Variants in IRF2BPL observed in about 807,000 individuals in gnomAD.
IRF2BPL encodes probable E3 ubiquitin-protein ligase IRF2BPL.
In IRF2BPL, 13 loss-of-function variants were observed where a neutral mutation model predicts 51.2. That is an observed-to-expected ratio of 0.25 (90% CI 0.17 to 0.40). IRF2BPL has a LOEUF of 0.40. IRF2BPL is among the 10% of genes least tolerant of loss of function. IRF2BPL has a pLI of 1.00. For synonymous variants in IRF2BPL, 768 were observed against 509.2 expected (o/e 1.51, Z -6.84); for missense variants, 1,210 against 1,111.8 (o/e 1.09, Z -1.26).
At position 77,025,240 on chromosome 14, in the gene IRF2BPL, G is replaced by T; in HGVS notation, c.*162C>A. 2.2e-6 allele frequency: 1 copy of T among 464,600 alleles called. No individual in the cohort carries two copies. Among genetic ancestry groups the T allele is most frequent in the Non-Finnish European group, 3.8e-6 (1 of 264,510 alleles). The allele number at this position is 464,600 out of a possible 1,614,324, so 28.8% of individuals were successfully genotyped here. A position where few individuals can be genotyped will look rare whatever the true frequency, so the allele number is the denominator to read the frequency against. ...GTTTCAAAATATAGAAACATACGAC[G>T]AAAATAATGTCTATACATAAGACTA... On this transcript the variant is annotated 3_prime_UTR_variant, in exon 1 of 1. Coordinates refer to ENST00000238647, the MANE Select transcript of IRF2BPL (RefSeq NM_024496.4).
In IRF2BPL at chr14:77,028,625, C is replaced by T. The variant is rs1448008756; in HGVS notation, c.-833G>A. ...CTTCCCGCTCGTGCTCACGCTCGCC[C>T]GGAATGTGGGGTTGTGATTGTTACT... is the stretch of plus-strand genomic sequence containing the variant. On this transcript the variant is annotated 5_prime_UTR_variant, in exon 1 of 1. Transcript: ENST00000238647. The T allele has an allele frequency of 2.6e-6, 1 of 387,160 alleles. No individual in the cohort carries two copies. The highest frequency in any genetic ancestry group is 3.7e-5 in the East Asian group (1 of 27,238). 24.0% of individuals were successfully genotyped at this position (387,160 alleles called of 1,614,324 possible).
In IRF2BPL at chr14:77,028,426, C is replaced by G. The variant is rs1040966370; in HGVS notation, c.-634G>C. 1.1e-5 allele frequency: 3 copies of G among 274,238 alleles called. No individual in the cohort carries two copies. Among genetic ancestry groups the G allele is most frequent in the Non-Finnish European group, 2.1e-5 (3 of 142,822 alleles). The allele number at this position is 274,238 out of a possible 1,614,324, so 17.0% of individuals were successfully genotyped here. ...TGCTGGCGGCGACTGGGTTTGCACCCCGGAGGGAGCCGCCGCGGCCACTGC... is the reference window on the plus strand; with the variant it reads ...TGCTGGCGGCGACTGGGTTTGCACCGCGGAGGGAGCCGCCGCGGCCACTGC... On this transcript the variant is annotated 5_prime_UTR_variant, in exon 1 of 1. Transcript: ENST00000238647.
rs1442825566 is a variant in IRF2BPL at position 77,025,942 on chromosome 14, G to A, written c.1851C>T (p.Pro617=). The change falls in exon 1 of 1, where the codon CCC becomes CCT. Residue 617 remains proline (P), a synonymous_variant. Transcript: ENST00000238647. The part of the protein sequence containing the change: ...SNRTTPPESA[P]QNGPSPMAAL... ...CGGCCATAGGGGACGGACCGTTCTG[G>A]GGGGCTGACTCAGGTGGGGTGGTCC... is the stretch of plus-strand genomic sequence containing the variant. 6.2e-7 allele frequency: 1 copy of A among 1,608,428 alleles called. No individual in the cohort carries two copies. The highest frequency in any genetic ancestry group is 8.5e-7 in the Non-Finnish European group (1 of 1,178,040).
At position 77,027,933 on chromosome 14, in the gene IRF2BPL, T is replaced by A; in HGVS notation, c.-141A>T. 1 of 1,079,610 alleles carries A rather than the reference T, an allele frequency of 9.3e-7. No homozygotes were observed. Among genetic ancestry groups the A allele is most frequent in the Non-Finnish European group, 1.2e-6 (1 of 802,840 alleles). 66.9% of individuals were successfully genotyped at this position (1,079,610 alleles called of 1,614,324 possible). A position where few individuals can be genotyped will look rare whatever the true frequency, so the allele number is the denominator to read the frequency against. ...GGCGAGAAAGTTCTGCCCCAGGGGCTGGAGGGAACGCGAGTCTCCACCGCC... is the reference window on the plus strand; with the variant it reads ...GGCGAGAAAGTTCTGCCCCAGGGGCAGGAGGGAACGCGAGTCTCCACCGCC... On this transcript the variant is annotated 5_prime_UTR_variant, in exon 1 of 1. Transcript: ENST00000238647.
chr14:77,026,782 G>T lies in IRF2BPL; in HGVS notation c.1011C>A (p.Ser337Arg). ...AGGKRPGSVSSTDQERELKEK... is the reference protein window; with the variant it reads ...AGGKRPGSVSRTDQERELKEK... Reference sequence around the variant, plus strand: ...CCTTCAACTCGCGCTCCTGGTCTGTGCTCGACACCGAGCCGGGCCTCTTAC... The same window carrying T: ...CCTTCAACTCGCGCTCCTGGTCTGTTCTCGACACCGAGCCGGGCCTCTTAC... Residue 337 changes from serine (S) to arginine (R), a missense_variant, in exon 1 of 1, where the codon AGC (serine) becomes AGA (arginine). Transcript: ENST00000238647. The T allele has an allele frequency of 6.2e-7, 1 of 1,612,636 alleles. No individual in the cohort carries two copies. The highest frequency in any genetic ancestry group is 8.5e-7 in the Non-Finnish European group (1 of 1,179,820).
Position 77,026,650 on chromosome 14 carries a change from C to G in IRF2BPL, c.1143G>C (p.Thr381=), listed in dbSNP as rs756373135. ...CCTCGTAGGGCGTGCAGCCTGCCAG[C>G]GTGAGCAGCGTGTCGCGGACCATCT... The part of the protein sequence containing the change: ...KPKMVRDTLL[T]LAGCTPYEVR... The change falls in exon 1 of 1, where the codon ACG becomes ACC. Residue 381 remains threonine (T), a synonymous_variant. Transcript: ENST00000238647. 1.9e-5 allele frequency: 30 copies of G among 1,613,626 alleles called. No individual in the cohort carries two copies. Among genetic ancestry groups the G allele is most frequent in the Middle Eastern group, 3.3e-4 (2 of 6,062 alleles).
Position 77,027,829 on chromosome 14 carries a change from C to A in IRF2BPL, c.-37G>T, listed in dbSNP as rs1035301158. The A allele has an allele frequency of 6.8e-7, 1 of 1,471,596 alleles. No homozygotes were observed. The allele number at this position is 1,471,596 out of a possible 1,614,324, so 91.2% of individuals were successfully genotyped here. A position where few individuals can be genotyped will look rare whatever the true frequency, so the allele number is the denominator to read the frequency against. On this transcript the variant is annotated 5_prime_UTR_variant, in exon 1 of 1. Coordinates refer to ENST00000238647, the MANE Select transcript of IRF2BPL (RefSeq NM_024496.4). ...TGGGGAAGGTAGGCCCCCGCCCGGG[C>A]TGTCTCCGCGGCGCCTTCTCCTCCG...
In IRF2BPL at chr14:77,027,880, G is replaced by C. The variant is rs369705814; in HGVS notation, c.-88C>G. 5.8e-6 allele frequency: 8 copies of C among 1,389,360 alleles called. No homozygotes were observed. The highest frequency in any genetic ancestry group is 7.5e-6 in the Non-Finnish European group (8 of 1,064,778). The allele number at this position is 1,389,360 out of a possible 1,614,324, so 86.1% of individuals were successfully genotyped here. ...GGAGGACTGGCCGGCTGGGGAGGGA[G>C]TCCGACTGCGGGGGAGGGAGGAGGG... On this transcript the variant is annotated 5_prime_UTR_variant, in exon 1 of 1. Transcript: ENST00000238647.
Position 77,026,896 on chromosome 14 carries a change from G to A in IRF2BPL, c.897C>T (p.Leu299=), listed in dbSNP as rs759198037. ...PPGAPGGPAC[L]GGTPGVSATS... is the part of the protein sequence containing the mutation. ...TGGCCGATACACCCGGGGTACCCCC[G>A]AGACAAGCGGGGCCCCCAGGAGCCC... Residue 299 remains leucine, a synonymous_variant, in exon 1 of 1, where the codon CTC becomes CTT. Transcript: ENST00000238647. 5.9e-6 allele frequency: 9 copies of A among 1,523,946 alleles called. No individual in the cohort carries two copies. In the African/African-American group the frequency reaches 9.7e-5, roughly 16 times the overall value. 94.4% of individuals were successfully genotyped at this position (1,523,946 alleles called of 1,614,324 possible).
At position 77,027,235 on chromosome 14, in the gene IRF2BPL, G is replaced by A. The variant is rs753331230; in HGVS notation, c.558C>T (p.Thr186=). Residue 186 remains threonine (T), a synonymous_variant, in exon 1 of 1, where the codon ACC becomes ACT. Transcript: ENST00000238647. ...CCCCCAGGCCGTTGGGCAGTCGCGCGGTGTGGCTGCTGCTTCCCAGGCTCA... is the reference window on the plus strand; with the variant it reads ...CCCCCAGGCCGTTGGGCAGTCGCGCAGTGTGGCTGCTGCTTCCCAGGCTCA... ...PPVSLGSSSH[T]ARLPNGLGGP... 1 of 1,600,932 alleles carries A rather than the reference G, an allele frequency of 6.2e-7. No homozygotes were observed. The highest frequency in any genetic ancestry group is 1.7e-5 in the Admixed American group (1 of 58,382).
In IRF2BPL at chr14:77,024,913, CATTTTTT is replaced by C. The variant is rs1885060918; in HGVS notation, c.*482_*488del. 1.3e-5 allele frequency: 1 copy of C among 77,006 alleles called. No homozygotes were observed. Among genetic ancestry groups the C allele is most frequent in the African/African-American group, 5.9e-5 (1 of 16,928 alleles). 4.8% of individuals were successfully genotyped at this position (77,006 alleles called of 1,614,324 possible). A position where few individuals can be genotyped will look rare whatever the true frequency, so the allele number is the denominator to read the frequency against. ...GAAGGAAGCTTTCACCATTTTATAG[CATTTTTT>C]TTTTTTTTTTTTTTTTTTTTTTTTT... On this transcript the variant is annotated 3_prime_UTR_variant, in exon 1 of 1. Coordinates refer to ENST00000238647, the MANE Select transcript of IRF2BPL (RefSeq NM_024496.4).
In IRF2BPL at chr14:77,027,518, G is replaced by A. The variant is rs759481849; in HGVS notation, c.275C>T (p.Ala92Val). 1 of 704,134 alleles carries A rather than the reference G, an allele frequency of 1.4e-6. No homozygotes were observed. Among genetic ancestry groups the A allele is most frequent in the Non-Finnish European group, 1.7e-6 (1 of 573,028 alleles). 43.6% of individuals were successfully genotyped at this position (704,134 alleles called of 1,614,324 possible). Reference sequence around the variant, plus strand: ...GGCGGCGGCGGCCGCCGCTGCTGCCGCCGCCGCCGCCGCTTCCTTAGCCGA... The same window carrying A: ...GGCGGCGGCGGCCGCCGCTGCTGCCACCGCCGCCGCCGCTTCCTTAGCCGA... ...ALSAKEAAAA[A>V]AAAAAAAAAA... is the part of the protein sequence containing the mutation. The change falls in exon 1 of 1, where the codon GCG becomes GTG. Residue 92 changes from alanine to valine, a missense_variant. Coordinates refer to ENST00000238647, the MANE Select transcript of IRF2BPL (RefSeq NM_024496.4).
chr14:77,025,425 C>T lies in IRF2BPL; in HGVS notation c.2368G>A (p.Val790Met). 6.4e-7 allele frequency: 1 copy of T among 1,567,358 alleles called. No homozygotes were observed. Among genetic ancestry groups the T allele is most frequent in the Non-Finnish European group, 8.7e-7 (1 of 1,155,484 alleles). The part of the protein sequence containing the change: ...IATILAGDVK[V>M]KKERDP ...GTTCAAGGGTCTCTCTCCTTTTTCA[C>T]TTTAACATCCCCAGCTAAGATAGTC... is the stretch of plus-strand genomic sequence containing the variant. The change falls in exon 1 of 1, where the codon GTG (valine) becomes ATG (methionine). Residue 790 changes from valine to methionine, a missense_variant. Transcript: ENST00000238647.
In IRF2BPL at chr14:77,028,012, C is replaced by T. The variant is rs887783711; in HGVS notation, c.-220G>A. 1 of 495,624 alleles carries T rather than the reference C, an allele frequency of 2.0e-6. No homozygotes were observed. The highest frequency in any genetic ancestry group is 2.0e-5 in the African/African-American group (1 of 49,594). The allele number at this position is 495,624 out of a possible 1,614,324, so 30.7% of individuals were successfully genotyped here. A position where few individuals can be genotyped will look rare whatever the true frequency, so the allele number is the denominator to read the frequency against. On this transcript the variant is annotated 5_prime_UTR_variant, in exon 1 of 1. Transcript: ENST00000238647. ...CCGCCCGGGCAGCGGACGGGTTCAG[C>T]CCTCTCTTCGCCCCCACCTCCTACT...
Position 77,026,694 on chromosome 14 carries a change from C to T in IRF2BPL, c.1099G>A (p.Glu367Lys). Residue 367 changes from glutamate to lysine, a missense_variant, in exon 1 of 1, where the codon GAG (glutamate) becomes AAG (lysine). Coordinates refer to ENST00000238647, the MANE Select transcript of IRF2BPL (RefSeq NM_024496.4). ...ACCATCTTGGGCTTGCTGGCCCACT[C>T]CTCGGCGCGGTTGCGCAGGCTCTCG... ...LSESLRNRAE[E>K]WASKPKMVRD... is the part of the protein sequence containing the mutation. 1 of 1,612,778 alleles carries T rather than the reference C, an allele frequency of 6.2e-7. No homozygotes were observed. The highest frequency in any genetic ancestry group is 8.5e-7 in the Non-Finnish European group (1 of 1,179,642).
rs1395167978 is a variant in IRF2BPL, at chr14:77,028,268, G to C, written c.-476C>G. On this transcript the variant is annotated 5_prime_UTR_variant, in exon 1 of 1. Transcript: ENST00000238647. ...GTCCTCTCCCCGACGGGCCCCCTGG[G>C]GCGAGGGCCAGAGGGTTCAGTGCCA... is the stretch of plus-strand genomic sequence containing the variant. 4.2e-6 allele frequency: 1 copy of C among 238,734 alleles called. No individual in the cohort carries two copies. Among genetic ancestry groups the C allele is most frequent in the Non-Finnish European group, 8.6e-6 (1 of 116,006 alleles). The allele number at this position is 238,734 out of a possible 1,614,324, so 14.8% of individuals were successfully genotyped here.
chr14:77,027,418 TTGC>T lies in IRF2BPL; in HGVS notation c.372_374del (p.Gln127del), dbSNP rs200317113. On this transcript the variant is annotated inframe_deletion, in exon 1 of 1. Transcript: ENST00000238647. ...AACCATCAACGTGGTTGAGCTGTTG[TTGC>T]TGCTGCTGCTGCTGCTGCTGCTGCT... The T allele has an allele frequency of 0.011, 14,642 of 1,383,734 alleles. 191 individuals carry two copies. Among genetic ancestry groups the T allele is most frequent in the African/African-American group, 0.073 (4,731 of 64,614 alleles). 85.7% of individuals were successfully genotyped at this position (1,383,734 alleles called of 1,614,324 possible).
Position 77,027,301 on chromosome 14 carries a change from CGCAGCGGCGGCGGCGGCG to C in IRF2BPL, c.474_491del (p.Ala159_Ala164del), listed in dbSNP as rs1446617440. 50 of 1,525,340 alleles carry C rather than the reference CGCAGCGGCGGCGGCGGCG, an allele frequency of 3.3e-5. No homozygotes were observed. The highest frequency in any genetic ancestry group is 8.4e-5 in the Admixed American group (4 of 47,718). The allele number at this position is 1,525,340 out of a possible 1,614,324, so 94.5% of individuals were successfully genotyped here. On this transcript the variant is annotated inframe_deletion, in exon 1 of 1. Transcript: ENST00000238647. The stretch of plus-strand genomic sequence containing the variant: ...ACTCGAAGCGGCTGCGCTGTTCCAC[CGCAGCGGCGGCGGCGGCG>C]GCGGCGGCGGCGGCAGCGCTTAGGC...
In IRF2BPL at chr14:77,026,100, G is replaced by C. The variant is rs1466417547; in HGVS notation, c.1693C>G (p.Gln565Glu). Residue 565 changes from glutamine to glutamate, a missense_variant, in exon 1 of 1, where the codon CAG (glutamine) becomes GAG (glutamate). Gln to Glu is a conservative substitution (Grantham distance 29). Coordinates refer to ENST00000238647, the MANE Select transcript of IRF2BPL (RefSeq NM_024496.4). ...EGALKLGEEQQRQQWMANQSE... is the reference protein window; with the variant it reads ...EGALKLGEEQERQQWMANQSE... ...TGGTTCGCCATCCACTGCTGCCTCTGCTGTTCCTCGCCCAGCTTCAGCGCG... is the reference window on the plus strand; with the variant it reads ...TGGTTCGCCATCCACTGCTGCCTCTCCTGTTCCTCGCCCAGCTTCAGCGCG... The C allele has an allele frequency of 1.9e-6, 3 of 1,575,084 alleles. No homozygotes were observed. In the East Asian group the frequency reaches 7.0e-5, roughly 37 times the overall value.
Sources: allele counts gnomAD v4.1 joint callset, GRCh38; gene constraint gnomAD v4.1.1; transcripts MANE v1.5; gene names NCBI Gene and HGNC (gene_info 2026-07-23, HGNC 2026-07-21).